Variants in PCCA observed in about 807,000 individuals in gnomAD.
PCCA encodes propionyl-CoA carboxylase subunit alpha.
Under a neutral mutation model 101.3 loss-of-function variants are expected in PCCA, and 74 were observed. That is an observed-to-expected ratio of 0.73 (90% CI 0.61 to 0.89). PCCA has a LOEUF of 0.89. PCCA is among the 40% of genes least tolerant of loss of function. The pLI, the probability that PCCA is intolerant of heterozygous loss-of-function variation, is 0.00. For synonymous variants in PCCA, 294 were observed against 313.6 expected (o/e 0.94, Z 0.66); for missense variants, 891 against 907.0 (o/e 0.98, Z 0.23).
At position 100,172,736 on chromosome 13, in the gene PCCA, A is replaced by G. The variant is rs143311104; in HGVS notation, c.468+15396A>G. 1.3e-3 allele frequency among the ~76,000 whole-genome samples: 201 copies of G among 152,318 alleles called. 2 individuals are homozygous for G. The highest frequency in any genetic ancestry group is 4.7e-3 in the African/African-American group (194 of 41,564). ...AACAAATTAATAACTTTTTTTGAACACTTAGTGTGTGCCAGGCACTATTCC... is the reference window on the plus strand; with the variant it reads ...AACAAATTAATAACTTTTTTTGAACGCTTAGTGTGTGCCAGGCACTATTCC... On this transcript the variant is annotated intron_variant, in intron 6 of 23. Transcript: ENST00000376285.
intron 6 of PCCA, among the ~76,000 whole-genome samples, chr13:100,194,707 C>A (rs568377170): frequency 2.0e-5 from 3 of 152,350 alleles, no homozygotes; most frequent in South Asian, 2.1e-4. Flanking sequence ...GCGTGAGCCA[C>A]TGCGCCCGGC....
chr13:100,486,878 C>T (rs2084420199), intron 21 of PCCA, among the ~76,000 whole-genome samples: 1 of 152,316 alleles, frequency 6.6e-6, no homozygotes, highest in African/African-American at 2.4e-5. Context: ...GTGATCGTAC[C>T]ACTGCACTCC....
chr13:100,329,107 T>G (rs961901709), intron 16 of PCCA, among the ~76,000 whole-genome samples: 1 of 152,058 alleles, frequency 6.6e-6, no homozygotes, highest in South Asian at 2.1e-4. Context: ...TGCTGAAATT[T>G]GCTGTTTGAT....
At chr13:100,356,061 C>T (rs1272559696) in intron 18 of PCCA, among the ~76,000 whole-genome samples, 1 of 152,070 alleles carries the variant, frequency 6.6e-6, no homozygotes, top group Non-Finnish European at 1.5e-5. Context: ...ATTGGATATG[C>T]ACATGTAAAA....
intron 2 of PCCA, among the ~76,000 whole-genome samples, 161 bp downstream of exon 2, chr13:100,103,121 G>A (rs1336245246): frequency 1.3e-5 from 2 of 151,940 alleles, no homozygotes; most frequent in African/African-American, 4.8e-5. Context: ...CAGTCTTTAG[G>A]TATTCTGTTT....
chr13:100,299,588 G>A (rs1310200713), intron 12 of PCCA, among the ~76,000 whole-genome samples: 3 of 152,146 alleles, frequency 2.0e-5, no homozygotes, highest in Non-Finnish European at 4.4e-5. Flanking sequence ...TATATAGTAT[G>A]TACTTATATG....
chr13:100,206,713 G>C (rs886821712), intron 6 of PCCA, among the ~76,000 whole-genome samples: 24 of 152,270 alleles, frequency 1.6e-4, no homozygotes, highest in African/African-American at 4.3e-4. Flanking sequence ...AGGATTTGGA[G>C]AAAACAGCAG....
At chr13:100,268,168 T>C (rs1049777968) in intron 10 of PCCA, among the ~76,000 whole-genome samples, 2 of 152,228 alleles carry the variant, frequency 1.3e-5, no homozygotes, top group Admixed American at 1.3e-4. Flanking sequence ...CTATTATGTT[T>C]GTATATTAAC....
intron 8 of PCCA, among the ~76,000 whole-genome samples, chr13:100,254,228 C>T (rs892572865): frequency 1.3e-5 from 2 of 152,124 alleles, no homozygotes; most frequent in African/African-American, 4.8e-5. Flanking sequence ...GATTCAGTCA[C>T]CTCCCGCCAG....
intron 6 of PCCA, among the ~76,000 whole-genome samples, chr13:100,163,845 T>A (rs2054746437): frequency 6.6e-6 from 1 of 152,198 alleles, no homozygotes; most frequent in Non-Finnish European, 1.5e-5. Flanking sequence ...ATTTTAGTAA[T>A]TTTTGAAATT....
At chr13:100,189,717 C>T (rs1399256639) in intron 6 of PCCA, among the ~76,000 whole-genome samples, 1 of 152,064 alleles carries the variant, frequency 6.6e-6, no homozygotes, top group Non-Finnish European at 1.5e-5. Flanking sequence ...TATATGTTGC[C>T]CAGGCTGCTC....
intron 5 of PCCA, among the ~76,000 whole-genome samples, chr13:100,155,554 G>A (rs368576965): frequency 5.4e-4 from 83 of 152,306 alleles, no homozygotes; most frequent in African/African-American, 2.0e-3. Flanking sequence ...GTTTGTTAAT[G>A]TCAGTAGAAT....
At chr13:100,263,383 A>G (rs2062659618) in intron 10 of PCCA, among the ~76,000 whole-genome samples, 1 of 152,236 alleles carries the variant, frequency 6.6e-6, no homozygotes, top group Non-Finnish European at 1.5e-5. Context: ...TTGATATGTA[A>G]TAGCTAAAAT....
intron 21 of PCCA, among the ~76,000 whole-genome samples, chr13:100,480,605 C>T (rs1373660998): frequency 6.6e-6 from 1 of 152,136 alleles, no homozygotes; most frequent in Non-Finnish European, 1.5e-5. Flanking sequence ...CCTTTTGTTC[C>T]TAGAGGAACC....
At chr13:100,417,133 G>A (rs762729739) in intron 19 of PCCA, among the ~76,000 whole-genome samples, 2 of 152,182 alleles carry the variant, frequency 1.3e-5, no homozygotes, top group Non-Finnish European at 2.9e-5. Context: ...GTGAGCCACC[G>A]TGCCCGGCCT....
intron 4 of PCCA, among the ~76,000 whole-genome samples, chr13:100,117,827 A>T (rs1010150584): frequency 2.6e-5 from 4 of 152,100 alleles, no homozygotes; most frequent in African/African-American, 9.7e-5. Context: ...GAAAAAGAAA[A>T]AAAAAGAGGC....
At chr13:100,325,574 G>T (rs2068580416) in intron 16 of PCCA, among the ~76,000 whole-genome samples, 1 of 152,140 alleles carries the variant, frequency 6.6e-6, no homozygotes, top group Non-Finnish European at 1.5e-5. Flanking sequence ...TTCTTAGTAG[G>T]GAAAAGAAGC....
chr13:100,370,391 A>G (rs1369837797), intron 19 of PCCA, among the ~76,000 whole-genome samples: 3 of 151,994 alleles, frequency 2.0e-5, no homozygotes, highest in African/African-American at 7.2e-5. Context: ...TGTTTGTTTT[A>G]GATTCCATGT....
chr13:100,473,372 A>G (rs1355524741), intron 21 of PCCA: 1 of 152,234 alleles, frequency 6.6e-6, no homozygotes, highest in Non-Finnish European at 1.5e-5. Flanking sequence ...TCCTGCCCTT[A>G]GGGTGGCACT....
Sources: gnomAD v4.1 joint callset for allele counts (sites outside exome capture counted in the v4.1 genomes callset) on GRCh38, gnomAD v4.1.1 for gene constraint, MANE v1.5 for transcripts, NCBI Gene and HGNC (gene_info 2026-07-23, HGNC 2026-07-21) for gene names.